Variants in NID2 observed in about 807,000 individuals in gnomAD.
NID2 encodes nidogen 2, also known as nidogen-2.
Under a neutral mutation model 145.4 loss-of-function variants are expected in NID2, and 83 were observed. The observed-to-expected ratio is 0.57, with a 90% confidence interval of 0.48 to 0.69. NID2 has a LOEUF of 0.69. Ranked by LOEUF, NID2 falls within the 30% of genes least tolerant of loss-of-function variation. The probability of loss-of-function intolerance (pLI) is 0.00; values close to 1 mark genes in which losing one functional copy is unlikely to be tolerated. For synonymous variants in NID2, 739 were observed against 701.3 expected (o/e 1.05, Z -0.85); for missense variants, 1,807 against 1,765.7 (o/e 1.02, Z -0.42).
intron 16 of NID2, among the ~76,000 whole-genome samples, chr14:52,013,580 C>T (rs565041525): frequency 5.3e-5 from 8 of 152,262 alleles, no homozygotes; most frequent in South Asian, 4.1e-4. Context: ...GATGATTTTC[C>T]ACTGTGTCGA....
intron 11 of NID2, among the ~76,000 whole-genome samples, chr14:52,028,282 T>G (rs28695661): frequency 0.36 from 15,166 of 42,570 alleles, 929 homozygotes; most frequent in Middle Eastern, 0.46. Context: ...TGTTTTTTTT[T>G]TTGTTTTTTT....
chr14:52,011,861 G>GC, intron 16 of NID2, 178 bp from the exon 17 acceptor site: 1 of 682,588 alleles, frequency 1.5e-6, no homozygotes, highest in Non-Finnish European at 2.5e-6. Flanking sequence ...CAGCCACTTA[G>GC]TAGCCATGTG....
At position 52,041,297 on chromosome 14, in the gene NID2, A is replaced by C. The variant is rs112296428; in HGVS notation, c.1826-446T>G. Among the ~76,000 whole-genome samples the C allele has an allele frequency of 1.2e-4, 18 of 152,320 alleles. 1 individual carries two copies. The highest frequency in any genetic ancestry group is 4.3e-4 in the African/African-American group (18 of 41,578). On this transcript the variant is annotated intron_variant, in intron 7 of 21. Coordinates refer to ENST00000216286, the MANE Select transcript of NID2 (RefSeq NM_007361.4). The stretch of plus-strand genomic sequence containing the variant: ...CTTATACTAGAAAATTGTTTATCTG[A>C]AATACAAATTTATCCAGGTGTGCCA...
chr14:52,061,042 C>T (rs956204727), intron 2 of NID2, among the ~76,000 whole-genome samples: 4 of 152,158 alleles, frequency 2.6e-5, no homozygotes, highest in Non-Finnish European at 4.4e-5. Flanking sequence ...CCTAGGACAC[C>T]CTAACCCCTC....
In NID2 at chr14:52,005,194, C is replaced by A. The variant is rs1890713494; in HGVS notation, c.*292G>T. The A allele has an allele frequency of 1.0e-5, 3 of 287,088 alleles. No homozygotes were observed. Among genetic ancestry groups the A allele is most frequent in the Non-Finnish European group, 1.9e-5 (3 of 155,496 alleles). 17.8% of individuals were successfully genotyped at this position (287,088 alleles called of 1,614,324 possible). The stretch of plus-strand genomic sequence containing the variant: ...TAATTCTTAGTTGAATGAATTTGAT[C>A]TTTTAAATATTAATGATAAATGTTT... On this transcript the variant is annotated 3_prime_UTR_variant, in exon 22 of 22. Transcript: ENST00000216286.
chr14:52,028,641 G>A, intron 11 of NID2, 81 bp downstream of exon 11: 1 of 1,468,426 alleles, frequency 6.8e-7, no homozygotes, highest in Non-Finnish European at 9.2e-7. Flanking sequence ...CTGAATAGCA[G>A]AAGTCAAAAC....
intron 14 of NID2, among the ~76,000 whole-genome samples, chr14:52,016,785 C>T (rs1891227121): frequency 6.6e-6 from 1 of 152,144 alleles, no homozygotes; most frequent in East Asian, 1.9e-4. Flanking sequence ...CGTTCAAAAC[C>T]CTCCAGTGAC....
intron 12 of NID2, among the ~76,000 whole-genome samples, chr14:52,025,163 T>TC (rs1429232445): frequency 6.6e-5 from 10 of 152,194 alleles, no homozygotes; most frequent in African/African-American, 2.4e-4. Flanking sequence ...AACGATGTGT[T>TC]CCACACGAAG....
chr14:52,018,692 G>C (rs1320480334), intron 14 of NID2, among the ~76,000 whole-genome samples: 2 of 152,240 alleles, frequency 1.3e-5, no homozygotes, highest in Non-Finnish European at 2.9e-5. Flanking sequence ...TAGGAAAGCA[G>C]TTTTCCTTCT....
chr14:52,028,218 A>G (rs1256895618), intron 11 of NID2, among the ~76,000 whole-genome samples: 1 of 152,188 alleles, frequency 6.6e-6, no homozygotes, highest in Non-Finnish European at 1.5e-5. Flanking sequence ...ATTTAGGGAA[A>G]AACAGTGAAA....
chr14:52,016,896 A>C (rs1891230420), intron 14 of NID2, among the ~76,000 whole-genome samples: 1 of 152,202 alleles, frequency 6.6e-6, no homozygotes, highest in Non-Finnish European at 1.5e-5. Context: ...GCTCAAACCC[A>C]ACTAGCTCTA....
intron 9 of NID2, among the ~76,000 whole-genome samples, chr14:52,035,878 A>ATATATATATATATATATAT (rs58318209): frequency 7.4e-6 from 1 of 135,204 alleles, no homozygotes; most frequent in African/African-American, 2.8e-5. Flanking sequence ...ATATATATAT[A>ATATATATATATATATATAT]TGTTTTATTT....
At chr14:52,054,650 G>A (rs1892790477) in intron 3 of NID2, among the ~76,000 whole-genome samples, 1 of 152,210 alleles carries the variant, frequency 6.6e-6, no homozygotes, top group Admixed American at 6.5e-5. Context: ...CCAGGTTACA[G>A]TGGGCTTTGG....
At chr14:52,024,002 A>G (rs1891491429) in intron 12 of NID2, among the ~76,000 whole-genome samples, 1 of 152,248 alleles carries the variant, frequency 6.6e-6, no homozygotes, top group South Asian at 2.1e-4. Flanking sequence ...ACCCTATGGA[A>G]TGCCTTTAAA....
intron 2 of NID2, among the ~76,000 whole-genome samples, chr14:52,067,025 A>G (rs1308747175): frequency 6.6e-6 from 1 of 152,244 alleles, no homozygotes; most frequent in Non-Finnish European, 1.5e-5. Flanking sequence ...CTGGAAGGCA[A>G]TTAGGCAGAA....
At chr14:52,006,155 C>A (rs186634599) in intron 20 of NID2, 1 of 408,816 alleles carries the variant, frequency 2.4e-6, no homozygotes, top group East Asian at 4.8e-5. Context: ...TTTTTCGGTC[C>A]CTCAGACAAT....
intron 9 of NID2, among the ~76,000 whole-genome samples, chr14:52,030,563 A>G (rs55647095): frequency 4.0e-5 from 2 of 50,168 alleles, no homozygotes; most frequent in South Asian, 8.0e-4. Flanking sequence ...AAAGAAAGAA[A>G]GAAAGGAAGG....
intron 2 of NID2, among the ~76,000 whole-genome samples, chr14:52,060,651 G>C (rs1232645961): frequency 2.0e-5 from 3 of 152,182 alleles, no homozygotes; most frequent in Non-Finnish European, 4.4e-5. Context: ...TATATACTTT[G>C]TAAGGTTTCA....
chr14:52,047,870 G>A (rs1300685862), intron 5 of NID2, among the ~76,000 whole-genome samples: 1 of 152,134 alleles, frequency 6.6e-6, no homozygotes, highest in Non-Finnish European at 1.5e-5. Flanking sequence ...ACGGAGAGCT[G>A]CATTTCTCCC....
Sources: gnomAD v4.1 joint callset for allele counts (sites outside exome capture counted in the v4.1 genomes callset) on GRCh38, gnomAD v4.1.1 for gene constraint, MANE v1.5 for transcripts, NCBI Gene and HGNC (gene_info 2026-07-23, HGNC 2026-07-21) for gene names.